PRSS27: variants seen among roughly 807,000 people sequenced by gnomAD.
PRSS27 encodes the protein serine protease 27.
Under a neutral mutation model 32.0 loss-of-function variants are expected in PRSS27, and 25 were observed. That is an observed-to-expected ratio of 0.78 (90% CI 0.57 to 1.09). The LOEUF (loss-of-function observed/expected upper bound fraction) is 1.09. Among genes scored for constraint, PRSS27 ranks in the 50% least tolerant of loss-of-function variants. The probability of loss-of-function intolerance (pLI) is 0.00; values close to 1 mark genes in which losing one functional copy is unlikely to be tolerated. For missense variants in PRSS27, 401 were observed against 394.9 expected (o/e 1.02, Z -0.13); for synonymous variants, 178 against 172.2 (o/e 1.03, Z -0.26).
chr16:2,713,685 T>C lies in PRSS27; in HGVS notation c.522A>G (p.Glu174=), dbSNP rs1211154455. The C allele has an allele frequency of 6.2e-7, 1 of 1,614,020 alleles. No homozygotes were observed. The highest frequency in any genetic ancestry group is 1.3e-5 in the African/African-American group (1 of 74,902). Residue 174 remains glutamate (E), a synonymous_variant, in exon 5 of 6, where the codon GAA becomes GAG. Coordinates refer to ENST00000302641, the MANE Select transcript of PRSS27 (RefSeq NM_031948.5). The part of the protein sequence containing the change: ...GSPSEEDLLP[E]PRILQKLAVP... ...CAGCGAGTTTCTGCAGGATCCGCGG[T>C]TCGGGCAGGAGGTCTGGAGAGGGGC...
chr16:2,717,197 G>A lies in PRSS27; in HGVS notation c.47-671C>T, dbSNP rs2067707423. ...CCTCTCCCAGGCATGCAGCAGGCTT[G>A]GCAGACGAGGCCCAGGACCCCCTGC... On this transcript the variant is annotated intron_variant, in intron 1 of 5. Coordinates refer to ENST00000302641, the MANE Select transcript of PRSS27 (RefSeq NM_031948.5). This position sits in a 1 kb window ranked among gnomAD's most constrained non-coding sequence, Gnocchi z 4.1. The A allele has an allele frequency of 6.6e-6, 1 of 152,654 alleles. No individual in the cohort carries two copies. The highest frequency in any genetic ancestry group is 1.5e-5 in the Non-Finnish European group (1 of 68,444). 9.5% of individuals were successfully genotyped at this position (152,654 alleles called of 1,614,324 possible). A position where few individuals can be genotyped will look rare whatever the true frequency, so the allele number is the denominator to read the frequency against.
At chr16:2,713,734 C>G in intron 4 of PRSS27, 36 bp from the exon 5 acceptor site, 1 of 1,607,010 alleles carries the variant, frequency 6.2e-7, no homozygotes, top group Non-Finnish European at 8.5e-7. Flanking sequence ...GCTCAACGGA[C>G]TTCCTCATCA....
At chr16:2,719,964 C>T in intron 1 of PRSS27, 151 bp downstream of exon 1, 2 of 742,590 alleles carry the variant, frequency 2.7e-6, no homozygotes, top group South Asian at 1.8e-5. Context: ...CATCTGGAGC[C>T]TTCCCACCTG....
chr16:2,713,450 A>C (rs763087640), intron 5 of PRSS27, 79 bp downstream of exon 5: 2 of 1,430,552 alleles, frequency 1.4e-6, no homozygotes, highest in Non-Finnish European at 2.0e-6. Context: ...TGCATAGCCC[A>C]TGGAGCGGGG....
chr16:2,719,500 C>T (rs961844174), intron 1 of PRSS27, among the ~76,000 whole-genome samples: 1 of 152,124 alleles, frequency 6.6e-6, no homozygotes, highest in Non-Finnish European at 1.5e-5. Context: ...AGGGGCCTGG[C>T]AGGTGGGGCC....
At chr16:2,713,208 C>T (rs2067675357) in intron 5 of PRSS27, 2 of 455,406 alleles carry the variant, frequency 4.4e-6, no homozygotes, top group South Asian at 4.2e-5. Flanking sequence ...GCGCCATTCT[C>T]CTGCCTCAGC....
rs61734617 is a variant in PRSS27 at position 2,712,636 on chromosome 16, A to C, written c.857T>G (p.Leu286Trp). Residue 286 changes from leucine to tryptophan, a missense_variant, in exon 6 of 6, where the codon TTG (leucine) becomes TGG (tryptophan). Transcript: ENST00000302641. This position sits in a 1 kb window ranked among gnomAD's most constrained non-coding sequence, Gnocchi z 4.6. ...CCGGGGGTCTCACTTCTGGCCGCCC[A>C]ACCTCGCTGGCTGGAACTGCAGTTT... is the stretch of plus-strand genomic sequence containing the variant. ...IPKLQFQPAR[L>W]GGQK 1.8e-5 allele frequency: 28 copies of C among 1,587,944 alleles called. No homozygotes were observed. In the Admixed American group the frequency reaches 2.7e-4, roughly 15 times the overall value.
Position 2,717,818 on chromosome 16 carries a change from C to T in PRSS27, c.47-1292G>A, listed in dbSNP as rs971643580. The T allele has an allele frequency of 6.6e-5, 10 of 152,324 alleles. No individual in the cohort carries two copies. The highest frequency in any genetic ancestry group is 3.1e-3 in the Middle Eastern group (1 of 322). 9.4% of individuals were successfully genotyped at this position (152,324 alleles called of 1,614,324 possible). A position where few individuals can be genotyped will look rare whatever the true frequency, so the allele number is the denominator to read the frequency against. ...ACACCACTGGTGGGCAGAGACACCC[C>T]GGGGGTTGCTGGACGATAAGGCAGC... On this transcript the variant is annotated intron_variant, in intron 1 of 5. Coordinates refer to ENST00000302641, the MANE Select transcript of PRSS27 (RefSeq NM_031948.5). The surrounding 1 kb of genome is among the most constrained non-coding windows in gnomAD (Gnocchi z 4.1).
Position 2,714,010 on chromosome 16 carries a change from G to A in PRSS27, c.508+55C>T, listed in dbSNP as rs564400019. The A allele has an allele frequency of 5.3e-5, 82 of 1,542,136 alleles. No individual in the cohort carries two copies. In the East Asian group the frequency reaches 5.4e-4, roughly 10 times the overall value. On this transcript the variant is annotated intron_variant, in intron 4 of 5. Transcript: ENST00000302641. This position sits in a 1 kb window ranked among gnomAD's most constrained non-coding sequence, Gnocchi z 4.7. ...GTGGGTTCAGAGTGGTCCCCAAGCC[G>A]TCCTGGGCCTTCTTGAGGCATATCC...
chr16:2,715,314 C>A (rs527844828), intron 3 of PRSS27: 1 of 172,124 alleles, frequency 5.8e-6, no homozygotes, highest in Non-Finnish European at 1.2e-5. Context: ...GAGGAAGGGC[C>A]GTTCTGTCTG....
At position 2,715,757 on chromosome 16, in the gene PRSS27, G is replaced by T. The variant is rs373590894; in HGVS notation, c.197C>A (p.Ala66Glu). Residue 66 changes from alanine to glutamate, a missense_variant, in exon 3 of 6, where the codon GCG becomes GAG. Ala to Glu is a moderately radical substitution (Grantham distance 107, BLOSUM62 -1). Transcript: ENST00000302641. Reference sequence around the variant, plus strand: ...CGCAGCCGTCAGGACCCACTGCTCCGCGATGAGGCTGCCCCCGCAGAAGTG... The same window carrying T: ...CGCAGCCGTCAGGACCCACTGCTCCTCGATGAGGCTGCCCCCGCAGAAGTG... The part of the protein sequence containing the change: ...GSHFCGGSLI[A>E]EQWVLTAAHC... The T allele has an allele frequency of 4.4e-6, 7 of 1,581,420 alleles. No homozygotes were observed. The highest frequency in any genetic ancestry group is 5.1e-6 in the Non-Finnish European group (6 of 1,167,800).
At chr16:2,715,916 T>C (rs750402257) in intron 2 of PRSS27, 36 bp from the exon 3 acceptor site, 1 of 1,510,552 alleles carries the variant, frequency 6.6e-7, no homozygotes, top group Non-Finnish European at 8.9e-7. Context: ...GGGCGCTCAC[T>C]GGGGCTGGTT....
Position 2,715,379 on chromosome 16 carries a change from G to T in PRSS27, c.236+339C>A, listed in dbSNP as rs548113225. On this transcript the variant is annotated intron_variant, in intron 3 of 5. Transcript: ENST00000302641. ...CCGGGAAGAGTGTCCTGGAGCTGAG[G>T]TGTGTGCGGGATGGGGAAAGGCCAG... The T allele has an allele frequency of 1.9e-5, 5 of 266,394 alleles. No homozygotes were observed. In the East Asian group the frequency reaches 4.3e-4, roughly 23 times the overall value. The allele number at this position is 266,394 out of a possible 1,614,324, so 16.5% of individuals were successfully genotyped here. A position where few individuals can be genotyped will look rare whatever the true frequency, so the allele number is the denominator to read the frequency against.
intron 1 of PRSS27, 67 bp downstream of exon 1, chr16:2,720,048 C>T: frequency 1.4e-6 from 2 of 1,422,332 alleles, no homozygotes; most frequent in Non-Finnish European, 1.9e-6. Flanking sequence ...TGAGCCGGAG[C>T]CCCAGGCAGT....
In PRSS27 at chr16:2,714,907, G is replaced by A. The variant is rs2067691485; in HGVS notation, c.237-571C>T. 1 of 154,208 alleles carries A rather than the reference G, an allele frequency of 6.5e-6. No homozygotes were observed. The highest frequency in any genetic ancestry group is 2.4e-5 in the African/African-American group (1 of 41,380). 9.6% of individuals were successfully genotyped at this position (154,208 alleles called of 1,614,324 possible). A position where few individuals can be genotyped will look rare whatever the true frequency, so the allele number is the denominator to read the frequency against. ...GCACCACTGCACCTGGGGTTTTTTT[G>A]TTTGTTTGTTTTTTGTTTTTTAATT... On this transcript the variant is annotated intron_variant, in intron 3 of 5. Coordinates refer to ENST00000302641, the MANE Select transcript of PRSS27 (RefSeq NM_031948.5). This position sits in a 1 kb window ranked among gnomAD's most constrained non-coding sequence, Gnocchi z 4.7.
rs943524198 is a variant in PRSS27 at position 2,714,334 on chromosome 16, G to A, written c.239C>T (p.Thr80Ile). The part of the protein sequence containing the change: ...VLTAAHCFRN[T>I]SETSLYQVLL... ...GACCTGGTACAGGGACGTCTCAGAG[G>A]TGCTGGCGGGAGAAACAGAGAGGCG... The change falls in exon 4 of 6, where the codon ACC (threonine) becomes ATC (isoleucine). Residue 80 changes from threonine to isoleucine, a missense_variant and splice_region_variant. Coordinates refer to ENST00000302641, the MANE Select transcript of PRSS27 (RefSeq NM_031948.5). This position sits in a 1 kb window ranked among gnomAD's most constrained non-coding sequence, Gnocchi z 4.7. The A allele has an allele frequency of 1.2e-6, 2 of 1,612,208 alleles. No homozygotes were observed. Among genetic ancestry groups the A allele is most frequent in the South Asian group, 1.1e-5 (1 of 91,062 alleles).
At position 2,715,722 on chromosome 16, in the gene PRSS27, G is replaced by C; in HGVS notation, c.232C>G (p.Arg78Gly). Reference sequence around the variant, plus strand: ...GGCAGGGGCGGGCGGACTCACTTGCGGAAGCAGTGCGCAGCCGTCAGGACC... The same window carrying C: ...GGCAGGGGCGGGCGGACTCACTTGCCGAAGCAGTGCGCAGCCGTCAGGACC... ...QWVLTAAHCF[R>G]NTSETSLYQV... Residue 78 changes from arginine (R) to glycine (G), a missense_variant, in exon 3 of 6, where the codon CGC becomes GGC. Transcript: ENST00000302641. The C allele has an allele frequency of 6.5e-7, 1 of 1,539,472 alleles. No homozygotes were observed. Among genetic ancestry groups the C allele is most frequent in the Non-Finnish European group, 8.7e-7 (1 of 1,147,090 alleles).
At chr16:2,719,988 G>C (rs1022399488) in intron 1 of PRSS27, 127 bp downstream of exon 1, 1 of 869,606 alleles carries the variant, frequency 1.1e-6, no homozygotes, top group Non-Finnish European at 1.8e-6. Flanking sequence ...AGGGGCAGGA[G>C]GGATGATGGC....
Position 2,717,575 on chromosome 16 carries a change from C to G in PRSS27, c.47-1049G>C, listed in dbSNP as rs761706722. ...GGTTAGAACAGCCACCTCCCCACACCTAGGCCCTCAGCTTCCCCTTAACCC... is the reference window on the plus strand; with the variant it reads ...GGTTAGAACAGCCACCTCCCCACACGTAGGCCCTCAGCTTCCCCTTAACCC... On this transcript the variant is annotated intron_variant, in intron 1 of 5. Transcript: ENST00000302641. This position sits in a 1 kb window ranked among gnomAD's most constrained non-coding sequence, Gnocchi z 4.1. The G allele has an allele frequency of 6.6e-6, 1 of 152,554 alleles. No homozygotes were observed. The highest frequency in any genetic ancestry group is 2.4e-5 in the African/African-American group (1 of 41,448). 9.5% of individuals were successfully genotyped at this position (152,554 alleles called of 1,614,324 possible).
Sources: allele counts gnomAD v4.1 joint callset (sites outside exome capture counted in the v4.1 genomes callset), GRCh38; gene constraint gnomAD v4.1.1; non-coding constraint Gnocchi (gnomAD v3.1); transcripts MANE v1.5; gene names NCBI Gene and HGNC (gene_info 2026-07-23, HGNC 2026-07-21).